The following PARD3 variants were observed in gnomAD, a reference collection of about 807,000 sequenced individuals.
The protein encoded by PARD3 is partitioning defective 3 homolog.
Under a neutral mutation model 155.4 loss-of-function variants are expected in PARD3, and 75 were observed. The ratio of observed to expected loss-of-function variants is 0.48; its 90% CI spans 0.40 to 0.58. PARD3 has a LOEUF of 0.58. Among genes scored for constraint, PARD3 ranks in the 20% least tolerant of loss-of-function variants. The pLI is 0.00. For synonymous variants in PARD3, 576 were observed against 610.5 expected (o/e 0.94, Z 0.83); for missense variants, 1,642 against 1,721.7 (o/e 0.95, Z 0.82).
Position 34,424,999 on chromosome 10 carries a change from G to A in PARD3, c.715-23082C>T, listed in dbSNP as rs191191111. Among the ~76,000 whole-genome samples the A allele has an allele frequency of 3.3e-5, 5 of 152,152 alleles. No individual in the cohort carries two copies. In the East Asian group the frequency reaches 9.7e-4, roughly 29 times the overall value. ...TCACAGCCTCCTAGAAACCTGGGGC[G>A]TGTCCCTCCATTCTACTGACATTGC... On this transcript the variant is annotated intron_variant, in intron 5 of 24. Transcript: ENST00000374788.
chr10:34,132,234 G>A (rs567957604), intron 22 of PARD3, among the ~76,000 whole-genome samples: 43 of 152,184 alleles, frequency 2.8e-4, no homozygotes, highest in Middle Eastern at 3.4e-3. Flanking sequence ...ATAACAATAC[G>A]GCCTTCTTTT....
intron 22 of PARD3, among the ~76,000 whole-genome samples, chr10:34,210,018 A>ATGCTGT (rs144442901): frequency 2.4e-3 from 361 of 152,340 alleles, no homozygotes; most frequent in Non-Finnish European, 4.1e-3. Flanking sequence ...GTAAATTTAT[A>ATGCTGT]AAATTAGCCA....
At chr10:34,181,964 C>T (rs1446217481) in intron 22 of PARD3, among the ~76,000 whole-genome samples, 3 of 152,158 alleles carry the variant, frequency 2.0e-5, no homozygotes, top group Non-Finnish European at 2.9e-5. Flanking sequence ...CAGTTTATCA[C>T]ATTAGGATAA....
intron 1 of PARD3, among the ~76,000 whole-genome samples, chr10:34,789,851 T>C (rs1841432444): frequency 6.6e-6 from 1 of 152,224 alleles, no homozygotes. Context: ...AAATCATCTG[T>C]GCTGGCCACA....
chr10:34,751,026 G>A (rs537300336), intron 1 of PARD3, among the ~76,000 whole-genome samples: 3 of 152,206 alleles, frequency 2.0e-5, no homozygotes, highest in Admixed American at 6.5e-5. Flanking sequence ...CTCTTACACT[G>A]TATATTAGGA....
chr10:34,366,072 T>C lies in PARD3; in HGVS notation c.1708-5813A>G, dbSNP rs566823261. Among the ~76,000 whole-genome samples the C allele has an allele frequency of 6.4e-4, 97 of 152,330 alleles. 1 individual carries two copies. The highest frequency in any genetic ancestry group is 9.6e-4 in the East Asian group (5 of 5,188). ...TTATTTTTACAATACAAAAAATCCA[T>C]TGTATACCACTTCTTTAATTCTGCT... is the stretch of plus-strand genomic sequence containing the variant. On this transcript the variant is annotated intron_variant, in intron 12 of 24. Transcript: ENST00000374788.
intron 1 of PARD3, among the ~76,000 whole-genome samples, chr10:34,696,995 G>GACACACACAC (rs35717875): frequency 6.9e-6 from 1 of 143,894 alleles, no homozygotes. Context: ...GAGACAAAAT[G>GACACACACAC]ACACACACAC....
intron 3 of PARD3, among the ~76,000 whole-genome samples, chr10:34,480,547 C>CT (rs1277274539): frequency 6.6e-6 from 1 of 152,152 alleles, no homozygotes; most frequent in Non-Finnish European, 1.5e-5. Context: ...CCTGTTTCTA[C>CT]TTTTAACAGC....
chr10:34,684,824 CACACACATAT>C (rs1461606104), intron 2 of PARD3, among the ~76,000 whole-genome samples: 2 of 102,542 alleles, frequency 2.0e-5, no homozygotes, highest in African/African-American at 4.5e-5. Context: ...CACACACACA[CACACACATAT>C]ATACACACAC....
At chr10:34,358,554 G>A (rs1839124496) in intron 14 of PARD3, among the ~76,000 whole-genome samples, 1 of 152,154 alleles carries the variant, frequency 6.6e-6, no homozygotes, top group South Asian at 2.1e-4. Context: ...TGGGCCAGGT[G>A]CTATGGCGCG....
intron 12 of PARD3, among the ~76,000 whole-genome samples, chr10:34,369,823 C>A (rs1177174814): frequency 6.6e-6 from 1 of 152,132 alleles, no homozygotes; most frequent in Non-Finnish European, 1.5e-5. Context: ...CTCCCCATTT[C>A]TAGGCATTGA....
chr10:34,531,399 G>A (rs1468728545), intron 2 of PARD3, among the ~76,000 whole-genome samples: 1 of 152,020 alleles, frequency 6.6e-6, no homozygotes, highest in African/African-American at 2.4e-5. Context: ...ACCATCCTTT[G>A]CTGGCATTAA....
intron 1 of PARD3, among the ~76,000 whole-genome samples, chr10:34,805,956 G>A (rs539219673): frequency 5.8e-4 from 88 of 151,624 alleles, no homozygotes; most frequent in Non-Finnish European, 7.8e-4. Flanking sequence ...CAGCCTGGGC[G>A]ACAGAGCGAG....
intron 22 of PARD3, among the ~76,000 whole-genome samples, chr10:34,242,759 C>T (rs1307102170): frequency 1.3e-5 from 2 of 152,094 alleles, no homozygotes; most frequent in East Asian, 3.9e-4. Context: ...CATGGTGAAA[C>T]TCTGCCTCTA....
intron 4 of PARD3, among the ~76,000 whole-genome samples, chr10:34,464,434 C>T (rs2077878502): frequency 6.6e-6 from 1 of 152,050 alleles, no homozygotes; most frequent in Non-Finnish European, 1.5e-5. Context: ...CTTTATTAGC[C>T]TAGAATTTAT....
At chr10:34,318,165 C>G (rs902411400) in intron 19 of PARD3, among the ~76,000 whole-genome samples, 1 of 152,156 alleles carries the variant, frequency 6.6e-6, no homozygotes, top group African/African-American at 2.4e-5. Context: ...ATACCCCAAA[C>G]TTTTTGCAGT....
intron 4 of PARD3, among the ~76,000 whole-genome samples, chr10:34,459,859 A>G (rs1298490436): frequency 6.6e-6 from 1 of 151,928 alleles, no homozygotes; most frequent in Non-Finnish European, 1.5e-5. Context: ...CACAATCCAA[A>G]CTCCAATGGA....
intron 2 of PARD3, among the ~76,000 whole-genome samples, chr10:34,523,563 A>G (rs992648963): frequency 1.3e-5 from 2 of 152,218 alleles, no homozygotes; most frequent in African/African-American, 4.8e-5. Flanking sequence ...AGCAGCCTCC[A>G]TGAGTCAAGC....
chr10:34,197,987 C>T (rs1338139951), intron 22 of PARD3, among the ~76,000 whole-genome samples: 2 of 152,220 alleles, frequency 1.3e-5, no homozygotes, highest in African/African-American at 4.8e-5. Flanking sequence ...CCGCCTGCCT[C>T]AGCCTCCCAA....
Sources: allele counts gnomAD v4.1 joint callset (sites outside exome capture counted in the v4.1 genomes callset), GRCh38; gene constraint gnomAD v4.1.1; transcripts MANE v1.5; gene names NCBI Gene and HGNC (gene_info 2026-07-23, HGNC 2026-07-21).